Variants in TMEM132D observed in about 807,000 individuals in gnomAD.
The protein encoded by TMEM132D is transmembrane protein 132D.
In TMEM132D, 21 loss-of-function variants were observed where a neutral mutation model predicts 62.3. The observed-to-expected ratio is 0.34, with a 90% confidence interval of 0.24 to 0.49. The LOEUF (loss-of-function observed/expected upper bound fraction) is 0.49. TMEM132D is among the 20% of genes least tolerant of loss of function. The probability of loss-of-function intolerance (pLI) is 0.99; values close to 1 mark genes in which losing one functional copy is unlikely to be tolerated. For synonymous variants in TMEM132D, 621 were observed against 575.6 expected (o/e 1.08, Z -1.13); for missense variants, 1,346 against 1,402.8 (o/e 0.96, Z 0.65).
At chr12:129,194,501 A>G (rs1487590760) in intron 5 of TMEM132D, among the ~76,000 whole-genome samples, 1 of 152,182 alleles carries the variant, frequency 6.6e-6, no homozygotes, top group Non-Finnish European at 1.5e-5. Context: ...AAAGATCACT[A>G]TTTGGCACTT....
chr12:129,287,912 T>C (rs1055864515), intron 4 of TMEM132D, among the ~76,000 whole-genome samples: 4 of 152,316 alleles, frequency 2.6e-5, no homozygotes, highest in African/African-American at 9.6e-5. Flanking sequence ...TATGTATCTG[T>C]CTTCATGCCA....
At chr12:129,153,681 T>G (rs1046153718) in intron 5 of TMEM132D, among the ~76,000 whole-genome samples, 7 of 152,154 alleles carry the variant, frequency 4.6e-5, no homozygotes, top group African/African-American at 1.7e-4. Flanking sequence ...GGGTGGCTTT[T>G]CATAGAACCC....
chr12:129,075,694 T>C (rs1450047502), intron 8 of TMEM132D, among the ~76,000 whole-genome samples: 2 of 152,118 alleles, frequency 1.3e-5, no homozygotes, highest in African/African-American at 2.4e-5. Context: ...GGGAGAAGCA[T>C]CTTGATTGGA....
At chr12:129,411,216 C>T (rs1186245904) in intron 3 of TMEM132D, among the ~76,000 whole-genome samples, 1 of 152,126 alleles carries the variant, frequency 6.6e-6, no homozygotes, top group Non-Finnish European at 1.5e-5. Context: ...ATTCTTATGC[C>T]TATAATTGCT....
intron 4 of TMEM132D, among the ~76,000 whole-genome samples, chr12:129,270,343 A>T (rs1260899624): frequency 6.6e-6 from 1 of 152,208 alleles, no homozygotes; most frequent in African/African-American, 2.4e-5. Flanking sequence ...ACAGGGTACC[A>T]CTTGAGTTTA....
At chr12:129,796,788 T>C (rs1468480746) in intron 1 of TMEM132D, among the ~76,000 whole-genome samples, 2 of 151,924 alleles carry the variant, frequency 1.3e-5, no homozygotes, top group African/African-American at 4.8e-5. Flanking sequence ...AGATGACGAG[T>C]TGATGGGTGC....
intron 4 of TMEM132D, among the ~76,000 whole-genome samples, chr12:129,325,449 A>T (rs569010829): frequency 6.6e-6 from 1 of 152,314 alleles, no homozygotes; most frequent in South Asian, 2.1e-4. Context: ...CCTAAAACAT[A>T]AGCCTGGCAA....
chr12:129,675,652 G>A (rs1166993505), intron 2 of TMEM132D, among the ~76,000 whole-genome samples: 3 of 152,202 alleles, frequency 2.0e-5, no homozygotes, highest in Non-Finnish European at 2.9e-5. Flanking sequence ...AATGAGGATG[G>A]TGTGGCCCCA....
At chr12:129,250,210 T>G (rs537745954) in intron 4 of TMEM132D, among the ~76,000 whole-genome samples, 1 of 152,226 alleles carries the variant, frequency 6.6e-6, no homozygotes, top group African/African-American at 2.4e-5. Context: ...CTGGCTCTTC[T>G]CAATGACCGA....
intron 1 of TMEM132D, among the ~76,000 whole-genome samples, chr12:129,811,878 C>T (rs758365285): frequency 6.6e-6 from 1 of 151,700 alleles, no homozygotes; most frequent in South Asian, 2.1e-4. Context: ...CTCCAAGACA[C>T]GGGATTCTTC....
chr12:129,278,329 C>A (rs893063243), intron 4 of TMEM132D, among the ~76,000 whole-genome samples: 1 of 152,188 alleles, frequency 6.6e-6, no homozygotes, highest in African/African-American at 2.4e-5. Context: ...GCAGACCACA[C>A]TGAACATATA....
chr12:129,358,259 C>T (rs1283199234), intron 3 of TMEM132D, among the ~76,000 whole-genome samples: 4 of 152,076 alleles, frequency 2.6e-5, no homozygotes, highest in African/African-American at 9.7e-5. Context: ...CCTTTATTTT[C>T]CTCGTTCATT....
At chr12:129,133,962 C>T (rs577932194) in intron 5 of TMEM132D, among the ~76,000 whole-genome samples, 2 of 152,104 alleles carry the variant, frequency 1.3e-5, no homozygotes, top group Admixed American at 6.6e-5. Context: ...GGGGAGGGAG[C>T]CCACCTGAGC....
In TMEM132D at chr12:129,072,143, AGAGAT is replaced by A. The variant is rs63550660; in HGVS notation, c.*1727_*1731del. 102,396 of 151,284 alleles carry A rather than the reference AGAGAT, an allele frequency of 0.68. 35,199 individuals are homozygous for A. The highest frequency in any genetic ancestry group is 0.8 in the African/African-American group (32,981 of 41,190). The allele number at this position is 151,284 out of a possible 1,614,324, so 9.4% of individuals were successfully genotyped here. A position where few individuals can be genotyped will look rare whatever the true frequency, so the allele number is the denominator to read the frequency against. ...AGTAAAGACACACACTCAAAATTAC[AGAGAT>A]GAGATGGAGAGGAAGCAGGGAGAAG... On this transcript the variant is annotated 3_prime_UTR_variant, in exon 9 of 9. Coordinates refer to ENST00000422113, the MANE Select transcript of TMEM132D (RefSeq NM_133448.3).
At chr12:129,799,145 A>C (rs1593166051) in intron 1 of TMEM132D, among the ~76,000 whole-genome samples, 1 of 152,108 alleles carries the variant, frequency 6.6e-6, no homozygotes, top group East Asian at 2.0e-4. Context: ...GGCGCCTGTA[A>C]TCCCAACTAC....
chr12:129,749,633 G>T (rs11060534), intron 1 of TMEM132D, among the ~76,000 whole-genome samples: 141,995 of 151,400 alleles, frequency 0.94, 66,904 homozygotes, highest in East Asian at 0.99. Context: ...ATTTTTTTTT[G>T]TGTGTACTTT....
intron 6 of TMEM132D, among the ~76,000 whole-genome samples, chr12:129,083,223 G>A (rs911879919): frequency 6.6e-6 from 1 of 152,324 alleles, no homozygotes; most frequent in South Asian, 2.1e-4. Flanking sequence ...GAAAGGCAGA[G>A]AGGGCCAGGA....
intron 3 of TMEM132D, among the ~76,000 whole-genome samples, chr12:129,477,031 G>A (rs891023347): frequency 6.6e-6 from 1 of 152,022 alleles, no homozygotes; most frequent in African/African-American, 2.4e-5. Context: ...AATCATTTTT[G>A]GTTTACGATC....
intron 1 of TMEM132D, among the ~76,000 whole-genome samples, chr12:129,878,469 G>T (rs1379359727): frequency 6.6e-6 from 1 of 152,150 alleles, no homozygotes; most frequent in Non-Finnish European, 1.5e-5. Context: ...TTTAGGCTGG[G>T]ATGGACCAAT....
Sources: gnomAD v4.1 joint callset for allele counts (sites outside exome capture counted in the v4.1 genomes callset) on GRCh38, gnomAD v4.1.1 for gene constraint, MANE v1.5 for transcripts, NCBI Gene and HGNC (gene_info 2026-07-23, HGNC 2026-07-21) for gene names.